ADGRL4: variants seen among roughly 807,000 people sequenced by gnomAD.
The protein encoded by ADGRL4 is EGF, latrophilin and seven transmembrane domain containing 1.
A neutral mutation model predicts 74.8 loss-of-function variants in ADGRL4; 90 were observed. That is an observed-to-expected ratio of 1.20 (90% CI 1.02 to 1.43). The LOEUF (loss-of-function observed/expected upper bound fraction) is 1.43, where lower values mean the gene tolerates loss of function less well. Among genes scored for constraint, ADGRL4 ranks in the 40% most tolerant of loss-of-function variants. The pLI, the probability that ADGRL4 is intolerant of heterozygous loss-of-function variation, is 0.00. For missense variants in ADGRL4, 881 were observed against 814.3 expected (o/e 1.08, Z -1.00); for synonymous variants, 311 against 279.2 (o/e 1.11, Z -1.14).
At chr1:78,891,469 G>A (rs1648271216) in intron 14 of ADGRL4, 55 bp downstream of exon 14, 1 of 1,519,334 alleles carries the variant, frequency 6.6e-7, no homozygotes, top group African/African-American at 1.4e-5. Flanking sequence ...CTATCAATTT[G>A]GCAACTGATG....
At chr1:78,938,029 C>A (rs765593759) in intron 5 of ADGRL4, 39 bp from the exon 6 acceptor site, 26 of 1,604,954 alleles carry the variant, frequency 1.6e-5, no homozygotes, top group Non-Finnish European at 2.1e-5. Context: ...ATGTTGGAAT[C>A]CTACACTATT....
At chr1:78,931,756 G>GA (rs1285009607) in intron 7 of ADGRL4, among the ~76,000 whole-genome samples, 13 of 148,578 alleles carry the variant, frequency 8.7e-5, no homozygotes, top group South Asian at 2.1e-4. Context: ...CAAATGGAAA[G>GA]AAAAAAAAAG....
intron 2 of ADGRL4, among the ~76,000 whole-genome samples, chr1:78,999,839 T>TCTATCTATCTATCTATCTAC (rs1426981277): frequency 1.8e-5 from 2 of 111,574 alleles, no homozygotes; most frequent in Non-Finnish European, 3.9e-5. Context: ...TATCTATCTA[T>TCTATCTATCTATCTATCTAC]CTACCTACCT....
rs1228855448 is a variant in ADGRL4 at position 78,890,403 on chromosome 1, T to G, written c.*751A>C. The stretch of plus-strand genomic sequence containing the variant: ...TGATTAACTATCCAAAGTCACAATC[T>G]GTGAAATAAGTAAGGAAATAGTATA... On this transcript the variant is annotated 3_prime_UTR_variant, in exon 15 of 15. Transcript: ENST00000370742. 6.6e-6 allele frequency: 1 copy of G among 152,182 alleles called. No individual in the cohort carries two copies. Among genetic ancestry groups the G allele is most frequent in the East Asian group, 1.9e-4 (1 of 5,186 alleles). 9.4% of individuals were successfully genotyped at this position (152,182 alleles called of 1,614,324 possible).
chr1:78,955,849 T>C (rs1649818386), intron 2 of ADGRL4, among the ~76,000 whole-genome samples: 1 of 152,124 alleles, frequency 6.6e-6, no homozygotes. Context: ...GAAGATGCCA[T>C]AAATTTTAAG....
At chr1:78,995,497 A>C (rs554047127) in intron 2 of ADGRL4, among the ~76,000 whole-genome samples, 2 of 152,342 alleles carry the variant, frequency 1.3e-5, no homozygotes, top group East Asian at 1.9e-4. Flanking sequence ...CAAAGAGTAG[A>C]TAAAGCATCT....
chr1:78,987,938 AT>A (rs1369416566), intron 2 of ADGRL4, among the ~76,000 whole-genome samples: 1 of 151,758 alleles, frequency 6.6e-6, no homozygotes, highest in East Asian at 1.9e-4. Flanking sequence ...TAATTTTTAG[AT>A]TTATAGTAAA....
intron 13 of ADGRL4, among the ~76,000 whole-genome samples, chr1:78,892,297 A>G (rs1648297158): frequency 6.6e-6 from 1 of 152,198 alleles, no homozygotes; most frequent in African/African-American, 2.4e-5. Flanking sequence ...TAAAGAAAAA[A>G]TACACACACA....
chr1:78,913,267 C>G (rs1378521756), intron 12 of ADGRL4, among the ~76,000 whole-genome samples: 1 of 151,888 alleles, frequency 6.6e-6, no homozygotes, highest in Admixed American at 6.6e-5. Flanking sequence ...TACCATTTGA[C>G]CCAGCAATCC....
At chr1:78,958,082 T>G (rs1452244507) in intron 2 of ADGRL4, among the ~76,000 whole-genome samples, 1 of 151,910 alleles carries the variant, frequency 6.6e-6, no homozygotes, top group Non-Finnish European at 1.5e-5. Flanking sequence ...TTAAGCCCAT[T>G]GTTAAAAAAA....
At chr1:78,918,152 C>A (rs1648918829) in intron 10 of ADGRL4, 102 bp from the exon 11 acceptor site, 1 of 876,064 alleles carries the variant, frequency 1.1e-6, no homozygotes, top group Non-Finnish European at 1.8e-6. Context: ...TTTCTTTATA[C>A]TATAAAGTAT....
In ADGRL4 at chr1:79,001,834, A is replaced by AT. The variant is rs544884993; in HGVS notation, c.172+3235dup. 7.9e-5 allele frequency among the ~76,000 whole-genome samples: 12 copies of AT among 152,086 alleles called. No homozygotes were observed. The South Asian group carries it at 2.1e-3, about 26-fold the overall frequency. ...AAGTAAATGATTTTGCCTTTTTCTC[A>AT]TTTTTTCAAGGTAGTTATGGTATTT... On this transcript the variant is annotated intron_variant, in intron 2 of 14. Transcript: ENST00000370742.
intron 3 of ADGRL4, among the ~76,000 whole-genome samples, chr1:78,944,700 A>G (rs376553430): frequency 3.9e-4 from 59 of 152,332 alleles, no homozygotes; most frequent in African/African-American, 1.3e-3. Flanking sequence ...GTTTTTAGAT[A>G]CAAGACTGTG....
intron 2 of ADGRL4, among the ~76,000 whole-genome samples, chr1:78,971,436 T>C (rs980945088): frequency 6.6e-6 from 1 of 151,882 alleles, no homozygotes; most frequent in African/African-American, 2.4e-5. Context: ...CACACTAGGG[T>C]GGAGCCATGG....
At position 79,005,066 on chromosome 1, in the gene ADGRL4, T is replaced by C; in HGVS notation, c.172+4A>G. The C allele has an allele frequency of 6.2e-7, 1 of 1,611,004 alleles. No individual in the cohort carries two copies. The highest frequency in any genetic ancestry group is 1.1e-5 in the South Asian group (1 of 90,282). ...ATCCAAAAGAAGTAACAAAGCTTGT[T>C]TACCTTCACAAATTGTGACACCATT... On this transcript the variant is annotated splice_donor_region_variant and intron_variant, in intron 2 of 14. Transcript: ENST00000370742.
At chr1:78,962,082 T>A (rs1570256835) in intron 2 of ADGRL4, among the ~76,000 whole-genome samples, 1 of 152,136 alleles carries the variant, frequency 6.6e-6, no homozygotes, top group Non-Finnish European at 1.5e-5. Flanking sequence ...AGTTTCACCA[T>A]GTTCGTCAGG....
intron 1 of ADGRL4, among the ~76,000 whole-genome samples, chr1:79,005,619 G>A (rs1417117873): frequency 6.6e-6 from 1 of 152,198 alleles, no homozygotes; most frequent in Non-Finnish European, 1.5e-5. Flanking sequence ...GTAATCCTGT[G>A]TAGAAATGAA....
At chr1:78,973,988 T>G (rs1182497338) in intron 2 of ADGRL4, among the ~76,000 whole-genome samples, 1 of 152,110 alleles carries the variant, frequency 6.6e-6, no homozygotes, top group Admixed American at 6.6e-5. Flanking sequence ...AAAATATAGC[T>G]TCTTTCTTTG....
chr1:78,924,448 G>T (rs78288167), intron 8 of ADGRL4, among the ~76,000 whole-genome samples: 5,909 of 152,028 alleles, frequency 0.039, 152 homozygotes, highest in Middle Eastern at 0.058. Context: ...TGACACAGGA[G>T]AGGAGAGAGG....
Sources: allele counts gnomAD v4.1 joint callset (sites outside exome capture counted in the v4.1 genomes callset), GRCh38; gene constraint gnomAD v4.1.1; transcripts MANE v1.5; gene names NCBI Gene and HGNC (gene_info 2026-07-23, HGNC 2026-07-21).